Variants in KSR1 observed in about 807,000 individuals in gnomAD.
The protein encoded by KSR1 is kinase suppressor of ras 1.
In KSR1, 35 loss-of-function variants were observed where a neutral mutation model predicts 92.9. The ratio of observed to expected loss-of-function variants is 0.38; its 90% CI spans 0.29 to 0.50. The LOEUF (loss-of-function observed/expected upper bound fraction) is 0.50. Ranked by LOEUF, KSR1 falls within the 20% of genes least tolerant of loss-of-function variation. KSR1 has a pLI of 0.94. For synonymous variants in KSR1, 467 were observed against 472.6 expected, an observed-to-expected ratio of 0.99 and a Z score of 0.15; for missense variants, 972 against 1,158.5, an observed-to-expected ratio of 0.84 and a Z score of 2.34.
Position 27,609,220 on chromosome 17 carries a change from G to T in KSR1, c.2116G>T (p.Gly706Cys). Residue 706 changes from glycine to cysteine, a missense_variant, in exon 16 of 21, where the codon GGC becomes TGC. By Grantham distance (159) the Gly-to-Cys change is radical. Coordinates refer to ENST00000644974, the MANE Select transcript of KSR1 (RefSeq NM_001394583.1). ...IKGMGYLHAK[G>C]IVHKDLKSKN... ...GGGCATGGGATATCTTCATGCCAAGGGCATCGTACACAAAGATCTCAAATC... is the reference window on the plus strand; with the variant it reads ...GGGCATGGGATATCTTCATGCCAAGTGCATCGTACACAAAGATCTCAAATC... 1 of 1,613,904 alleles carries T rather than the reference G, an allele frequency of 6.2e-7. No homozygotes were observed. Among genetic ancestry groups the T allele is most frequent in the Non-Finnish European group, 8.5e-7 (1 of 1,179,844 alleles).
intron 1 of KSR1, among the ~76,000 whole-genome samples, chr17:27,536,886 G>T (rs2070771522): frequency 6.6e-6 from 1 of 152,210 alleles, no homozygotes; most frequent in African/African-American, 2.4e-5. Context: ...GACCAACCCA[G>T]GTTCAAGGGG....
At chr17:27,550,314 G>A (rs527795955) in intron 1 of KSR1, among the ~76,000 whole-genome samples, 12 of 152,336 alleles carry the variant, frequency 7.9e-5, no homozygotes, top group African/African-American at 2.4e-4. Flanking sequence ...TGCCCATGAC[G>A]CTCATGTCCT....
At chr17:27,494,822 C>A (rs1268412515) in intron 1 of KSR1, among the ~76,000 whole-genome samples, 1 of 152,198 alleles carries the variant, frequency 6.6e-6, no homozygotes, top group Non-Finnish European at 1.5e-5. Flanking sequence ...CTTCCAAGTT[C>A]TCCAGGAAGC....
intron 1 of KSR1, among the ~76,000 whole-genome samples, chr17:27,549,196 A>G (rs1182527645): frequency 6.6e-6 from 1 of 152,214 alleles, no homozygotes; most frequent in Non-Finnish European, 1.5e-5. Context: ...TGTCTCCAGA[A>G]GACAGGTTCC....
intron 1 of KSR1, among the ~76,000 whole-genome samples, chr17:27,506,319 T>C (rs1322770641): frequency 6.6e-6 from 1 of 152,218 alleles, no homozygotes; most frequent in Non-Finnish European, 1.5e-5. Context: ...TCTCGTAGCA[T>C]GGGAATAATA....
chr17:27,622,796 C>G (rs1198841815), intron 20 of KSR1: 2 of 180,396 alleles, frequency 1.1e-5, no homozygotes, highest in Non-Finnish European at 2.3e-5. Context: ...CACTGTTTAC[C>G]AAATGCAGGT....
In KSR1 at chr17:27,594,066, C is replaced by G. The variant is rs58668398; in HGVS notation, c.1299+1440C>G. On this transcript the variant is annotated intron_variant, in intron 9 of 20. Coordinates refer to ENST00000644974, the MANE Select transcript of KSR1 (RefSeq NM_001394583.1). ...TTTCAGCATGTGAGTTGTGGGAGTTCACAGTCATTCAGACCACAGCAGCTG... is the reference window on the plus strand; with the variant it reads ...TTTCAGCATGTGAGTTGTGGGAGTTGACAGTCATTCAGACCACAGCAGCTG... Among the ~76,000 whole-genome samples the G allele has an allele frequency of 1.6e-3, 244 of 152,214 alleles. 1 individual carries two copies. The highest frequency in any genetic ancestry group is 5.5e-3 in the African/African-American group (228 of 41,520).
chr17:27,489,891 G>A (rs1567757217), intron 1 of KSR1, among the ~76,000 whole-genome samples: 1 of 152,250 alleles, frequency 6.6e-6, no homozygotes, highest in African/African-American at 2.4e-5. Flanking sequence ...TCTCAAAAAT[G>A]ACAGTGTTTC....
At chr17:27,605,342 C>T in intron 13 of KSR1, 92 bp from the exon 14 acceptor site, 2 of 1,488,416 alleles carry the variant, frequency 1.3e-6, no homozygotes, top group South Asian at 1.3e-5. Context: ...TGCCTCTCTC[C>T]CCTGTTACCT....
At chr17:27,485,703 C>T (rs956231079) in intron 1 of KSR1, among the ~76,000 whole-genome samples, 1 of 152,070 alleles carries the variant, frequency 6.6e-6, no homozygotes, top group Non-Finnish European at 1.5e-5. Context: ...GGGGCAAAAT[C>T]GTGTCATCAA....
intron 20 of KSR1, chr17:27,621,979 C>G (rs1240503931): frequency 6.2e-7 from 1 of 1,602,698 alleles, no homozygotes; most frequent in Non-Finnish European, 8.5e-7. Context: ...TCCTCCTAAT[C>G]AACAACTCAG....
chr17:27,617,499 C>A lies in KSR1; in HGVS notation c.2627+71C>A, dbSNP rs190509232. 8.1e-4 allele frequency: 1,237 copies of A among 1,520,156 alleles called. 12 individuals are homozygous for A. The African/African-American group carries it at 0.014, about 17-fold the overall frequency. The allele number at this position is 1,520,156 out of a possible 1,614,324, so 94.2% of individuals were successfully genotyped here. On this transcript the variant is annotated intron_variant, in intron 19 of 20. Coordinates refer to ENST00000644974, the MANE Select transcript of KSR1 (RefSeq NM_001394583.1). Reference sequence around the variant, plus strand: ...GCCTCACCTGGGGTCTTAGAGGGCACCTTCTGATCTTTCTGCCCAAGACTT... The same window carrying A: ...GCCTCACCTGGGGTCTTAGAGGGCAACTTCTGATCTTTCTGCCCAAGACTT...
At chr17:27,487,290 C>G (rs1399239879) in intron 1 of KSR1, among the ~76,000 whole-genome samples, 1 of 151,710 alleles carries the variant, frequency 6.6e-6, no homozygotes, top group East Asian at 1.9e-4. Context: ...CAAAAATTAG[C>G]CAGGTGTGAT....
rs777999961 is a variant in KSR1, at chr17:27,588,497, G to A, written c.1008G>A (p.Gln336=). 8 of 1,590,758 alleles carry A rather than the reference G, an allele frequency of 5.0e-6. No individual in the cohort carries two copies. Among genetic ancestry groups the A allele is most frequent in the Non-Finnish European group, 6.8e-6 (8 of 1,168,902 alleles). ...CAGATCTCTCGCATGGATCCCCACAGATGGTACGGAGGGATATCGGGCTGT... is the reference window on the plus strand; with the variant it reads ...CAGATCTCTCGCATGGATCCCCACAAATGGTACGGAGGGATATCGGGCTGT... ...MRFDLSHGSP[Q]MVRRDIGLSV... The change falls in exon 6 of 21, where the codon CAG becomes CAA. Residue 336 remains glutamine, a synonymous_variant. Transcript: ENST00000644974.
At chr17:27,522,979 G>C (rs1336278859) in intron 1 of KSR1, among the ~76,000 whole-genome samples, 1 of 152,208 alleles carries the variant, frequency 6.6e-6, no homozygotes, top group Non-Finnish European at 1.5e-5. Context: ...GAAATTGGCA[G>C]TTTAGAAATA....
intron 1 of KSR1, among the ~76,000 whole-genome samples, chr17:27,482,763 C>T (rs965248541): frequency 6.6e-6 from 1 of 152,168 alleles, no homozygotes; most frequent in South Asian, 2.1e-4. Context: ...AGTATGACCC[C>T]AGTTAATTAT....
At chr17:27,594,314 T>C (rs1402651897) in intron 9 of KSR1, among the ~76,000 whole-genome samples, 2 of 152,078 alleles carry the variant, frequency 1.3e-5, no homozygotes, top group Admixed American at 1.3e-4. Flanking sequence ...ATAGGATCAA[T>C]TCCTCAGCAG....
chr17:27,542,441 G>A (rs1476055405), intron 1 of KSR1, among the ~76,000 whole-genome samples: 1 of 152,162 alleles, frequency 6.6e-6, no homozygotes, highest in African/African-American at 2.4e-5. Context: ...GGGTCCTGTG[G>A]CAGCCAACGA....
intron 19 of KSR1, 93 bp downstream of exon 19, chr17:27,617,521 A>T: frequency 6.9e-7 from 1 of 1,454,132 alleles, no homozygotes; most frequent in South Asian, 1.3e-5. Context: ...TCTGCCCAAG[A>T]CTTTGTTTTT....
Sources: allele counts gnomAD v4.1 joint callset (sites outside exome capture counted in the v4.1 genomes callset), GRCh38; gene constraint gnomAD v4.1.1; transcripts MANE v1.5; gene names NCBI Gene and HGNC (gene_info 2026-07-23, HGNC 2026-07-21).